The following FAM20B variants were observed in gnomAD, a reference collection of about 807,000 sequenced individuals.
The protein encoded by FAM20B is FAM20B glycosaminoglycan xylosylkinase, also known as glycosaminoglycan xylosylkinase.
In FAM20B, 23 loss-of-function variants were observed where a neutral mutation model predicts 43.8. The observed-to-expected ratio is 0.53, with a 90% confidence interval of 0.38 to 0.74. The LOEUF (loss-of-function observed/expected upper bound fraction) is 0.74. Among genes scored for constraint, FAM20B ranks in the 30% least tolerant of loss-of-function variants. The pLI is 0.00. For synonymous variants in FAM20B, 178 were observed against 192.4 expected (o/e 0.93, Z 0.62); for missense variants, 440 against 510.5 (o/e 0.86, Z 1.33).
rs146459916 is a variant in FAM20B, at chr1:179,072,036, C to T, written c.1122C>T (p.Ala374=). The change falls in exon 8 of 8, where the codon GCC becomes GCT. Residue 374 remains alanine (A), a synonymous_variant. Coordinates refer to ENST00000263733, the MANE Select transcript of FAM20B (RefSeq NM_014864.4). ...TGCTCTCTGATCCTCATCTGGACGCCGTGGACCAGCGGCTCCTGAGTGTCC... is the reference window on the plus strand; with the variant it reads ...TGCTCTCTGATCCTCATCTGGACGCTGTGGACCAGCGGCTCCTGAGTGTCC... ...SPVLSDPHLD[A]VDQRLLSVLA... is the part of the protein sequence containing the mutation. The T allele has an allele frequency of 5.1e-3, 8,217 of 1,614,132 alleles. 39 individuals carry two copies. Among genetic ancestry groups the T allele is most frequent in the Non-Finnish European group, 6.3e-3 (7,420 of 1,180,010 alleles).
upstream of FAM20B, among the ~76,000 whole-genome samples, chr1:179,023,345 A>G (rs1445413045): frequency 6.6e-6 from 1 of 152,264 alleles, no homozygotes; most frequent in East Asian, 1.9e-4. Flanking sequence ...AAGATGAAAT[A>G]GTGTATGTCT....
upstream of FAM20B, among the ~76,000 whole-genome samples, chr1:179,021,902 A>G (rs1262348074): frequency 6.6e-6 from 1 of 152,186 alleles, no homozygotes; most frequent in East Asian, 1.9e-4. Context: ...TAAAAATAAT[A>G]TTGCTAGAGT....
chr1:179,027,315 T>C lies in FAM20B; in HGVS notation c.-134+1217T>C, dbSNP rs1297344096. Among the ~76,000 whole-genome samples, 9 of 152,266 alleles carry C rather than the reference T, an allele frequency of 5.9e-5. No homozygotes were observed. In the East Asian group the frequency reaches 9.6e-4, roughly 16 times the overall value. The stretch of plus-strand genomic sequence containing the variant: ...CTGGTTAGAGATCTCAGTGTTCTTA[T>C]GTATTACAAACATTCCTTGAGTTTA... On this transcript the variant is annotated intron_variant, in intron 1 of 7. Transcript: ENST00000263733.
chr1:179,039,957 A>G (rs369307464), intron 1 of FAM20B, among the ~76,000 whole-genome samples: 1,715 of 152,204 alleles, frequency 0.011, 41 homozygotes, highest in African/African-American at 0.036. Flanking sequence ...CTGCCTTCAA[A>G]CATCTGTTTA....
At position 179,072,257 on chromosome 1, in the gene FAM20B, G is replaced by C. The variant is rs1651956035; in HGVS notation, c.*113G>C. ...TGGCCAGCAGCAAGTTCTGGTGACGGGACAGAGTGGCCTTGGATGTCTTTG... is the reference window on the plus strand; with the variant it reads ...TGGCCAGCAGCAAGTTCTGGTGACGCGACAGAGTGGCCTTGGATGTCTTTG... On this transcript the variant is annotated 3_prime_UTR_variant, in exon 8 of 8. Transcript: ENST00000263733. 5 of 803,560 alleles carry C rather than the reference G, an allele frequency of 6.2e-6. No homozygotes were observed. The South Asian group carries it at 8.8e-5, about 14-fold the overall frequency. 49.8% of individuals were successfully genotyped at this position (803,560 alleles called of 1,614,324 possible).
chr1:179,049,135 A>C (rs73043683), intron 2 of FAM20B, among the ~76,000 whole-genome samples: 2,537 of 152,326 alleles, frequency 0.017, 73 homozygotes, highest in African/African-American at 0.058. Flanking sequence ...ATCTTTTAAA[A>C]TGGTTAGTAG....
At chr1:179,050,232 A>T in intron 2 of FAM20B, 47 bp from the exon 3 acceptor site, 2 of 1,318,976 alleles carry the variant, frequency 1.5e-6, no homozygotes, top group Non-Finnish European at 2.2e-6. Context: ...GTCACCTGTT[A>T]CTGGTGTAAT....
At chr1:179,036,988 A>G (rs1396495841) in intron 1 of FAM20B, among the ~76,000 whole-genome samples, 3 of 152,206 alleles carry the variant, frequency 2.0e-5, no homozygotes, top group Non-Finnish European at 4.4e-5. Flanking sequence ...AAGAGCACCT[A>G]CACATCAAGA....
intron 1 of FAM20B, among the ~76,000 whole-genome samples, chr1:179,029,430 A>G (rs1470335835): frequency 6.6e-6 from 1 of 152,232 alleles, no homozygotes; most frequent in African/African-American, 2.4e-5. Flanking sequence ...AAATAATGCA[A>G]AGATCTCACT....
chr1:179,035,392 G>C, intron 1 of FAM20B: 1 of 709,198 alleles, frequency 1.4e-6, no homozygotes, highest in South Asian at 1.4e-5. Flanking sequence ...GGCTTCATGA[G>C]ATTGATTCCT....
At position 179,029,889 on chromosome 1, in the gene FAM20B, T is replaced by C. The variant is rs189900478; in HGVS notation, c.-134+3791T>C. On this transcript the variant is annotated intron_variant, in intron 1 of 7. Transcript: ENST00000263733. ...TTTTTACAATATATGCTTTGGTTATTATTACTAGCATACTGGCAGTAGTTG... is the reference window on the plus strand; with the variant it reads ...TTTTTACAATATATGCTTTGGTTATCATTACTAGCATACTGGCAGTAGTTG... Among the ~76,000 whole-genome samples, 3 of 152,362 alleles carry C rather than the reference T, an allele frequency of 2.0e-5. No individual in the cohort carries two copies. The South Asian group carries it at 6.2e-4, about 32-fold the overall frequency.
In FAM20B at chr1:179,064,397, T is replaced by C. The variant is rs1323325869; in HGVS notation, c.839T>C (p.Val280Ala). ...CTCTTGGACATCATTGACACAGCTG[T>C]CTTTGATTACCTGATTGGCAATGCT... ...PRLLDIIDTA[V>A]FDYLIGNADR... Residue 280 changes from valine to alanine, a missense_variant, in exon 6 of 8, where the codon GTC becomes GCC. Transcript: ENST00000263733. 6.8e-6 allele frequency: 11 copies of C among 1,614,180 alleles called. No homozygotes were observed. In the South Asian group the frequency reaches 8.8e-5, roughly 13 times the overall value.
chr1:179,037,045 A>T (rs1031772760), intron 1 of FAM20B, among the ~76,000 whole-genome samples: 2 of 152,234 alleles, frequency 1.3e-5, no homozygotes, highest in Non-Finnish European at 2.9e-5. Flanking sequence ...TAAAGCTGAG[A>T]AGAGGAACAA....
chr1:179,041,033 C>T (rs1456634930), intron 1 of FAM20B, among the ~76,000 whole-genome samples: 5 of 148,610 alleles, frequency 3.4e-5, no homozygotes, highest in Admixed American at 1.3e-4. Context: ...CGGGCAGAGA[C>T]GCTCCTCACT....
intron 1 of FAM20B, among the ~76,000 whole-genome samples, chr1:179,037,346 C>G (rs1448053918): frequency 1.0e-5 from 1 of 99,254 alleles, no homozygotes; most frequent in Non-Finnish European, 1.9e-5. Context: ...AACATGAAAA[C>G]TTGTTTAGTC....
intron 1 of FAM20B, among the ~76,000 whole-genome samples, chr1:179,040,229 T>A (rs371315017): frequency 1.3e-5 from 2 of 152,198 alleles, no homozygotes; most frequent in African/African-American, 4.8e-5. Flanking sequence ...TCATGGCCCG[T>A]TCCCAGTGAG....
rs988781857 is a variant in FAM20B at position 179,074,890 on chromosome 1, G to C, written c.*2746G>C. 6.6e-6 allele frequency: 1 copy of C among 152,148 alleles called. No homozygotes were observed. The highest frequency in any genetic ancestry group is 2.4e-5 in the African/African-American group (1 of 41,422). The allele number at this position is 152,148 out of a possible 1,614,324, so 9.4% of individuals were successfully genotyped here. A position where few individuals can be genotyped will look rare whatever the true frequency, so the allele number is the denominator to read the frequency against. On this transcript the variant is annotated 3_prime_UTR_variant, in exon 8 of 8. Coordinates refer to ENST00000263733, the MANE Select transcript of FAM20B (RefSeq NM_014864.4). ...AGAAAGCCCTAAAATTTCAAACACT[G>C]TTTGAAAGAAGAGGTGGGGGCCGGG...
intron 7 of FAM20B, among the ~76,000 whole-genome samples, chr1:179,070,794 C>A (rs1572563169): frequency 6.6e-6 from 1 of 150,988 alleles, no homozygotes; most frequent in African/African-American, 2.4e-5. Context: ...GTTGGGATTA[C>A]AGATGTGAGC....
At chr1:179,048,552 A>G (rs534072697) in intron 2 of FAM20B, among the ~76,000 whole-genome samples, 2 of 152,348 alleles carry the variant, frequency 1.3e-5, no homozygotes, top group Admixed American at 6.5e-5. Flanking sequence ...GCTGCCCTGA[A>G]GTACTAAAAA....
Sources: allele counts gnomAD v4.1 joint callset (sites outside exome capture counted in the v4.1 genomes callset), GRCh38; gene constraint gnomAD v4.1.1; transcripts MANE v1.5; gene names NCBI Gene and HGNC (gene_info 2026-07-23, HGNC 2026-07-21).